The following AUTS2 variants were observed in gnomAD, a reference collection of about 807,000 sequenced individuals.
The protein encoded by AUTS2 is activator of transcription and developmental regulator AUTS2.
Under a neutral mutation model 112.4 loss-of-function variants are expected in AUTS2, and 17 were observed. The ratio of observed to expected loss-of-function variants is 0.15; its 90% CI spans 0.10 to 0.23. The LOEUF (loss-of-function observed/expected upper bound fraction) is 0.23. AUTS2 is among the 10% of genes least tolerant of loss of function. The pLI is 1.00. For missense variants in AUTS2, 1,510 were observed against 1,701.6 expected (o/e 0.89, Z 1.98); for synonymous variants, 751 against 702.7 (o/e 1.07, Z -1.09).
intron 5 of AUTS2, among the ~76,000 whole-genome samples, chr7:70,585,397 TC>T (rs1306369974): frequency 2.0e-5 from 3 of 152,114 alleles, no homozygotes; most frequent in African/African-American, 7.2e-5. Context: ...AGAGCTACAC[TC>T]CCGCTTCTCT....
intron 5 of AUTS2, among the ~76,000 whole-genome samples, chr7:70,546,322 T>A (rs2866715): frequency 0.28 from 42,203 of 151,984 alleles, 6,616 homozygotes; most frequent in Non-Finnish European, 0.35. Flanking sequence ...CTCACGCCTG[T>A]AATCCCAGCT....
At chr7:69,784,780 T>A (rs754507326) in intron 1 of AUTS2, among the ~76,000 whole-genome samples, 3 of 152,226 alleles carry the variant, frequency 2.0e-5, no homozygotes, top group Non-Finnish European at 4.4e-5. Context: ...AGAGGAGGCA[T>A]GTGGCTTGTT....
chr7:69,870,583 A>G (rs1793452646), intron 1 of AUTS2, among the ~76,000 whole-genome samples: 1 of 151,250 alleles, frequency 6.6e-6, no homozygotes, highest in Non-Finnish European at 1.5e-5. Flanking sequence ...GATGACAGAA[A>G]AAAGTACAAC....
At chr7:70,630,140 C>T (rs1250263441) in intron 5 of AUTS2, among the ~76,000 whole-genome samples, 1 of 152,166 alleles carries the variant, frequency 6.6e-6, no homozygotes, top group Non-Finnish European at 1.5e-5. Context: ...AGGCGGCCTC[C>T]TCTGCGTGTG....
At chr7:70,023,698 A>C (rs1465935814) in intron 2 of AUTS2, among the ~76,000 whole-genome samples, 1 of 152,150 alleles carries the variant, frequency 6.6e-6, no homozygotes, top group Non-Finnish European at 1.5e-5. Flanking sequence ...AATTCACTAA[A>C]ATGGTTTCCA....
intron 2 of AUTS2, among the ~76,000 whole-genome samples, chr7:69,952,534 T>C (rs180985582): frequency 6.6e-6 from 1 of 152,318 alleles, no homozygotes; most frequent in Non-Finnish European, 1.5e-5. Flanking sequence ...GTTGTAATAC[T>C]GGGTTAAATA....
At chr7:69,927,022 T>C (rs985521735) in intron 2 of AUTS2, among the ~76,000 whole-genome samples, 1 of 147,246 alleles carries the variant, frequency 6.8e-6, no homozygotes, top group Non-Finnish European at 1.5e-5. Flanking sequence ...AATAAAAAAT[T>C]GTAGCTAATA....
chr7:70,620,497 G>A (rs1469437662), intron 5 of AUTS2, among the ~76,000 whole-genome samples: 2 of 152,134 alleles, frequency 1.3e-5, no homozygotes, highest in African/African-American at 2.4e-5. Flanking sequence ...GAAGGAAAGG[G>A]GTTGGTCGGG....
intron 2 of AUTS2, among the ~76,000 whole-genome samples, chr7:70,062,616 G>A (rs559600073): frequency 2.6e-5 from 4 of 151,874 alleles, no homozygotes; most frequent in Admixed American, 6.6e-5. Context: ...TCATTCTACC[G>A]TGACATTTAT....
chr7:69,763,209 G>C lies in AUTS2; in HGVS notation c.310-136077G>C, dbSNP rs149488773. On this transcript the variant is annotated intron_variant, in intron 1 of 18. Coordinates refer to ENST00000342771, the MANE Select transcript of AUTS2 (RefSeq NM_015570.4). ...TTAATTGCCTCAGCATAGTTGAATAGTACATTAGGGTAATGCCTCTGCTGT... is the reference window on the plus strand; with the variant it reads ...TTAATTGCCTCAGCATAGTTGAATACTACATTAGGGTAATGCCTCTGCTGT... 9.2e-5 allele frequency among the ~76,000 whole-genome samples: 14 copies of C among 152,312 alleles called. No individual in the cohort carries two copies. The East Asian group carries it at 2.5e-3, about 27-fold the overall frequency.
intron 1 of AUTS2, among the ~76,000 whole-genome samples, chr7:69,840,695 CAG>C (rs1455108567): frequency 6.6e-6 from 1 of 152,168 alleles, no homozygotes; most frequent in Non-Finnish European, 1.5e-5. Context: ...AAGAGACAGA[CAG>C]ACACTCTGGG....
chr7:70,721,279 C>CGTGTGTGTGTGT (rs55885084), intron 6 of AUTS2, among the ~76,000 whole-genome samples: 4,295 of 140,082 alleles, frequency 0.031, 141 homozygotes, highest in Admixed American at 0.06. Context: ...GAATTTCATT[C>CGTGTGTGTGTGT]GTGTGTGTGT....
intron 5 of AUTS2, among the ~76,000 whole-genome samples, chr7:70,657,901 C>T (rs1353639845): frequency 6.6e-6 from 1 of 152,144 alleles, no homozygotes; most frequent in Non-Finnish European, 1.5e-5. Context: ...TTCCACCAAG[C>T]CCTGGGTTTT....
At chr7:69,883,879 C>T (rs1794162260) in intron 1 of AUTS2, among the ~76,000 whole-genome samples, 2 of 152,190 alleles carry the variant, frequency 1.3e-5, no homozygotes, top group African/African-American at 4.8e-5. Flanking sequence ...AATATATACG[C>T]GTTTGCCAGT....
rs1795469358 is a variant in AUTS2, at chr7:70,427,090, C to T, written c.661-8662C>T. Among the ~76,000 whole-genome samples the T allele has an allele frequency of 2.6e-5, 4 of 151,080 alleles. No individual in the cohort carries two copies. The South Asian group carries it at 8.6e-4, about 33-fold the overall frequency. On this transcript the variant is annotated intron_variant, in intron 4 of 18. Transcript: ENST00000342771. ...TCACAAATAGAATTCTGCCAAAGCA[C>T]ACAGGCAAAGATGTCTTCCTGATAG...
intron 5 of AUTS2, among the ~76,000 whole-genome samples, chr7:70,438,306 G>A (rs139476723): frequency 4.7e-4 from 71 of 152,252 alleles, no homozygotes; most frequent in African/African-American, 1.6e-3. Context: ...GTAATAAAGC[G>A]GATACATAGT....
intron 4 of AUTS2, among the ~76,000 whole-genome samples, chr7:70,223,419 C>T (rs1450608704): frequency 2.0e-5 from 3 of 152,120 alleles, no homozygotes; most frequent in African/African-American, 7.2e-5. Flanking sequence ...ATTCCTATTG[C>T]CTCATGACAT....
chr7:70,466,692 G>A (rs1284116257), intron 5 of AUTS2, among the ~76,000 whole-genome samples: 1 of 152,196 alleles, frequency 6.6e-6, no homozygotes, highest in East Asian at 1.9e-4. Context: ...TAAATAAAAT[G>A]TATCAATTTT....
At chr7:70,711,278 T>G (rs1252677338) in intron 6 of AUTS2, among the ~76,000 whole-genome samples, 1 of 152,228 alleles carries the variant, frequency 6.6e-6, no homozygotes, top group East Asian at 1.9e-4. Flanking sequence ...TCTGAGGGTT[T>G]TTTTGGCATT....
Sources: gnomAD v4.1 joint callset for allele counts (sites outside exome capture counted in the v4.1 genomes callset) on GRCh38, gnomAD v4.1.1 for gene constraint, MANE v1.5 for transcripts, NCBI Gene and HGNC (gene_info 2026-07-23, HGNC 2026-07-21) for gene names.